The following EBF2 variants were observed in gnomAD, a reference collection of about 807,000 sequenced individuals.
The protein encoded by EBF2 is transcription factor COE2.
In EBF2, 21 loss-of-function variants were observed where a neutral mutation model predicts 72.8. The ratio of observed to expected loss-of-function variants is 0.29; its 90% CI spans 0.20 to 0.42. The LOEUF is 0.42. Among genes scored for constraint, EBF2 ranks in the 10% least tolerant of loss-of-function variants. The pLI, the probability that EBF2 is intolerant of heterozygous loss-of-function variation, is 1.00. For synonymous variants in EBF2, 299 were observed against 274.2 expected, an observed-to-expected ratio of 1.09 and a Z score of -0.89; for missense variants, 637 against 731.2, an observed-to-expected ratio of 0.87 and a Z score of 1.49.
chr8:25,856,306 G>T (rs1802089934), intron 14 of EBF2, among the ~76,000 whole-genome samples: 1 of 152,096 alleles, frequency 6.6e-6, no homozygotes, highest in Admixed American at 6.5e-5. Flanking sequence ...CACTTTTGTA[G>T]ATCAAAATGG....
chr8:25,851,016 C>T (rs1007295399), intron 14 of EBF2, among the ~76,000 whole-genome samples: 2 of 152,012 alleles, frequency 1.3e-5, no homozygotes, highest in Admixed American at 1.3e-4. Context: ...GCAAAGGGCA[C>T]TTGTGCTTGG....
At chr8:25,926,466 G>A (rs11993366) in intron 6 of EBF2, among the ~76,000 whole-genome samples, 5,655 of 152,234 alleles carry the variant, frequency 0.037, 150 homozygotes, top group Middle Eastern at 0.075. Context: ...AGCTCAGAAA[G>A]GTGAAGACTC....
chr8:26,040,675 C>T lies in EBF2; in HGVS notation c.353-4G>A. 1 of 1,554,770 alleles carries T rather than the reference C, an allele frequency of 6.4e-7. No individual in the cohort carries two copies. The highest frequency in any genetic ancestry group is 8.7e-7 in the Non-Finnish European group (1 of 1,148,632). On this transcript the variant is annotated splice_region_variant and splice_polypyrimidine_tract_variant and intron_variant, in intron 3 of 15. Transcript: ENST00000520164. ...AGGTCCTGTTCCGTGCGGACACCTG[C>T]GGGGACCGGAGGGGCACGAGTCAAG...
At chr8:26,039,558 T>A (rs1028569749) in intron 5 of EBF2, among the ~76,000 whole-genome samples, 11 of 152,166 alleles carry the variant, frequency 7.2e-5, no homozygotes, top group African/African-American at 2.4e-4. Context: ...GGTGCCTGGG[T>A]GCCAGGAAGC....
At chr8:26,033,898 T>TGA (rs1805450105) in intron 5 of EBF2, among the ~76,000 whole-genome samples, 1 of 152,240 alleles carries the variant, frequency 6.6e-6, no homozygotes, top group Non-Finnish European at 1.5e-5. Flanking sequence ...TCTCACTCTG[T>TGA]GACTTAGAAG....
chr8:25,928,072 G>A (rs1803414882), intron 6 of EBF2, among the ~76,000 whole-genome samples: 1 of 152,122 alleles, frequency 6.6e-6, no homozygotes, highest in Non-Finnish European at 1.5e-5. Flanking sequence ...CCAAAACTTT[G>A]CGAATCTGTC....
At chr8:25,913,251 A>G (rs1397569330) in intron 6 of EBF2, among the ~76,000 whole-genome samples, 3 of 151,986 alleles carry the variant, frequency 2.0e-5, no homozygotes, top group Non-Finnish European at 4.4e-5. Flanking sequence ...GACCATCCTG[A>G]CCAACGTGGT....
At chr8:25,954,632 G>C (rs1803914201) in intron 6 of EBF2, among the ~76,000 whole-genome samples, 1 of 152,118 alleles carries the variant, frequency 6.6e-6, no homozygotes. Context: ...TGCTTATTTG[G>C]ATTGTACTCA....
intron 6 of EBF2, among the ~76,000 whole-genome samples, chr8:26,021,094 C>T (rs1452458625): frequency 6.6e-6 from 1 of 152,128 alleles, no homozygotes; most frequent in Non-Finnish European, 1.5e-5. Flanking sequence ...TTAAAGTGCA[C>T]AGGGGCTGGA....
chr8:25,862,717 A>T lies in EBF2; in HGVS notation c.1090T>A (p.Leu364Ile), dbSNP rs766058851. ...TTTCCAAAGCACATTACCTTAGCTA[A>T]TCTCTCAGGATCTCCAGGATGCCTA... is the stretch of plus-strand genomic sequence containing the variant. ...IPRHPGDPERLAKEMLLKRAA... is the reference protein window; with the variant it reads ...IPRHPGDPERIAKEMLLKRAA... The change falls in exon 11 of 16, where the codon TTA becomes ATA. Residue 364 changes from leucine (L) to isoleucine (I), a missense_variant. Physicochemically the swap from Leu to Ile is conservative, Grantham distance 5 (BLOSUM62 2). This residue lies in a region of EBF2 where 259 missense variants were observed against 268.1 expected (regional missense o/e 0.97). Coordinates refer to ENST00000520164, the MANE Select transcript of EBF2 (RefSeq NM_022659.4). The T allele has an allele frequency of 8.8e-6, 14 of 1,593,728 alleles. No homozygotes were observed. The highest frequency in any genetic ancestry group is 1.1e-5 in the Non-Finnish European group (13 of 1,168,622).
chr8:25,854,838 T>C (rs1481323173), intron 14 of EBF2, among the ~76,000 whole-genome samples: 1 of 152,194 alleles, frequency 6.6e-6, no homozygotes, highest in Non-Finnish European at 1.5e-5. Flanking sequence ...TATAAAACAA[T>C]TGAACCCCAG....
chr8:25,996,913 GC>G (rs1396710120), intron 6 of EBF2, among the ~76,000 whole-genome samples: 1 of 152,136 alleles, frequency 6.6e-6, no homozygotes, highest in African/African-American at 2.4e-5. Flanking sequence ...ATAATCATGT[GC>G]TAATAAGTAT....
chr8:26,011,354 C>T (rs1805018710), intron 6 of EBF2, among the ~76,000 whole-genome samples: 1 of 152,128 alleles, frequency 6.6e-6, no homozygotes, highest in Admixed American at 6.5e-5. Context: ...TTCATATTTT[C>T]TGTGTGGGGA....
At chr8:25,934,628 C>T (rs1188690996) in intron 6 of EBF2, among the ~76,000 whole-genome samples, 1 of 152,132 alleles carries the variant, frequency 6.6e-6, no homozygotes, top group Non-Finnish European at 1.5e-5. Flanking sequence ...CCCTATTCAC[C>T]GGTCTCTGCA....
At chr8:25,925,379 G>A (rs1803369813) in intron 6 of EBF2, among the ~76,000 whole-genome samples, 1 of 151,928 alleles carries the variant, frequency 6.6e-6, no homozygotes, top group Admixed American at 6.6e-5. Flanking sequence ...AAGAGTCTTG[G>A]GCTCCACCAA....
chr8:25,934,824 T>A (rs145483547), intron 6 of EBF2, among the ~76,000 whole-genome samples: 124 of 152,306 alleles, frequency 8.1e-4, no homozygotes, highest in Non-Finnish European at 1.6e-3. Flanking sequence ...AAAAAATCCT[T>A]ATTAATATCC....
chr8:26,037,465 C>T (rs1365209232), intron 5 of EBF2, among the ~76,000 whole-genome samples: 1 of 152,196 alleles, frequency 6.6e-6, no homozygotes, highest in African/African-American at 2.4e-5. Flanking sequence ...TTCTTCTCCC[C>T]AACTCCTCCC....
intron 7 of EBF2, among the ~76,000 whole-genome samples, chr8:25,897,910 G>T (rs1028355355): frequency 6.6e-5 from 10 of 152,104 alleles, no homozygotes; most frequent in African/African-American, 2.4e-4. Context: ...ATGATAGTTT[G>T]ATTTTATTTT....
intron 6 of EBF2, among the ~76,000 whole-genome samples, chr8:25,955,483 A>G (rs1803930975): frequency 6.6e-6 from 1 of 152,222 alleles, no homozygotes; most frequent in Non-Finnish European, 1.5e-5. Context: ...ATAACCTAAT[A>G]GAGATTTTAC....
Sources: allele counts gnomAD v4.1 joint callset (sites outside exome capture counted in the v4.1 genomes callset), GRCh38; gene constraint gnomAD v4.1.1; regional missense constraint gnomAD v4.1.1; transcripts MANE v1.5; gene names NCBI Gene and HGNC (gene_info 2026-07-23, HGNC 2026-07-21).